LPP: variants seen among roughly 807,000 people sequenced by gnomAD.
LPP encodes the protein LIM domain containing preferred translocation partner in lipoma.
A neutral mutation model predicts 60.4 loss-of-function variants in LPP; 38 were observed. The ratio of observed to expected loss-of-function variants is 0.63; its 90% CI spans 0.49 to 0.83. LPP has a LOEUF of 0.83. Ranked by LOEUF, LPP falls within the 40% of genes least tolerant of loss-of-function variation. LPP has a pLI of 0.00. For synonymous variants in LPP, 328 were observed against 290.8 expected (o/e 1.13, Z -1.30); for missense variants, 902 against 783.6 (o/e 1.15, Z -1.80).
chr3:188,717,612 T>G (rs1465562030), intron 8 of LPP, among the ~76,000 whole-genome samples: 1 of 152,166 alleles, frequency 6.6e-6, no homozygotes, highest in Non-Finnish European at 1.5e-5. Flanking sequence ...TCTAACTTTT[T>G]GTTTAGGGTA....
At chr3:188,223,315 C>G (rs1006066057) in intron 1 of LPP, among the ~76,000 whole-genome samples, 1 of 151,892 alleles carries the variant, frequency 6.6e-6, no homozygotes, top group African/African-American at 2.4e-5. Flanking sequence ...GAACTATAAC[C>G]GGGTGGGGGG....
chr3:188,847,906 G>A (rs773875856), intron 9 of LPP, among the ~76,000 whole-genome samples: 9 of 152,158 alleles, frequency 5.9e-5, no homozygotes, highest in Non-Finnish European at 1.0e-4. Context: ...AATTAATAAA[G>A]TGAATGTAAC....
chr3:188,524,513 C>A, intron 5 of LPP, 152 bp from the exon 6 acceptor site: 2 of 724,174 alleles, frequency 2.8e-6, no homozygotes, highest in Non-Finnish European at 4.5e-6. Flanking sequence ...TCTATCTCAG[C>A]CTACCTCACT....
rs1487676403 is a variant in LPP, at chr3:188,888,509, C to T, written c.*14030C>T. 3.5e-5 allele frequency: 8 copies of T among 227,462 alleles called. No individual in the cohort carries two copies. In the East Asian group the frequency reaches 5.0e-4, roughly 14 times the overall value. 14.1% of individuals were successfully genotyped at this position (227,462 alleles called of 1,614,324 possible). On this transcript the variant is annotated 3_prime_UTR_variant, in exon 12 of 12. Transcript: ENST00000617246. The stretch of plus-strand genomic sequence containing the variant: ...CCATTTGCCGACTCCGGCCTCTTTG[C>T]GAGACTGACTCAAATCTGTGATCTT...
intron 1 of LPP, among the ~76,000 whole-genome samples, chr3:188,177,673 T>A (rs2148865046): frequency 6.6e-6 from 1 of 152,282 alleles, no homozygotes; most frequent in Non-Finnish European, 1.5e-5. Context: ...GTAATTATGC[T>A]GATGTTACCT....
chr3:188,872,728 G>T lies in LPP; in HGVS notation c.1675G>T (p.Asp559Tyr). The change falls in exon 11 of 12, where the codon GAT becomes TAT. Residue 559 changes from aspartate to tyrosine, a missense_variant. By Grantham distance (160) the Asp-to-Tyr change is radical. Transcript: ENST00000617246. ...QEETVRIVAL[D>Y]RDFHVHCYRC... ...GGAGACTGTCCGTATTGTGGCTTTG[G>T]ATCGAGATTTCCATGTTCACTGCTA... 1 of 1,614,198 alleles carries T rather than the reference G, an allele frequency of 6.2e-7. No individual in the cohort carries two copies. The highest frequency in any genetic ancestry group is 8.5e-7 in the Non-Finnish European group (1 of 1,180,040).
At chr3:188,282,775 C>G (rs1742563808) in intron 2 of LPP, among the ~76,000 whole-genome samples, 1 of 152,188 alleles carries the variant, frequency 6.6e-6, no homozygotes. Flanking sequence ...CATCTGACTT[C>G]ACATTTGGTG....
chr3:188,566,525 TCA>T (rs1410133780), intron 6 of LPP, among the ~76,000 whole-genome samples: 2 of 151,880 alleles, frequency 1.3e-5, no homozygotes, highest in African/African-American at 4.8e-5. Flanking sequence ...CATAGTCAAA[TCA>T]CAGTCTCATC....
intron 9 of LPP, among the ~76,000 whole-genome samples, chr3:188,835,302 CA>C (rs11354742): frequency 0.55 from 68,876 of 125,832 alleles, 17,289 homozygotes; most frequent in East Asian, 0.8. Flanking sequence ...ACTAAAAATA[CA>C]AAAAAAAAAA....
intron 5 of LPP, among the ~76,000 whole-genome samples, chr3:188,508,900 A>G (rs1440107250): frequency 6.6e-6 from 1 of 152,222 alleles, no homozygotes; most frequent in Non-Finnish European, 1.5e-5. Flanking sequence ...GCAGATTTCA[A>G]ATTTAGCATG....
chr3:188,811,194 A>G (rs545806819), intron 9 of LPP, among the ~76,000 whole-genome samples: 1 of 152,212 alleles, frequency 6.6e-6, no homozygotes, highest in Admixed American at 6.6e-5. Flanking sequence ...TGGCCATAGG[A>G]TATCATTTAG....
chr3:188,362,382 A>G (rs1397932249), intron 3 of LPP, among the ~76,000 whole-genome samples: 2 of 152,096 alleles, frequency 1.3e-5, no homozygotes, highest in Admixed American at 1.3e-4. Flanking sequence ...CTTCTTCTTT[A>G]CTGGATATCC....
intron 8 of LPP, among the ~76,000 whole-genome samples, chr3:188,732,697 G>A (rs557081540): frequency 8.9e-5 from 10 of 112,566 alleles, no homozygotes; most frequent in South Asian, 2.9e-4. Context: ...CAGCCCTAGC[G>A]ACAGAGTGAG....
chr3:188,639,783 G>T (rs1282223523), intron 7 of LPP, among the ~76,000 whole-genome samples: 1 of 152,188 alleles, frequency 6.6e-6, no homozygotes, highest in African/African-American at 2.4e-5. Flanking sequence ...ATCATTACTG[G>T]CCATCAGAGA....
At chr3:188,759,872 T>G (rs1731578623) in intron 8 of LPP, among the ~76,000 whole-genome samples, 1 of 152,156 alleles carries the variant, frequency 6.6e-6, no homozygotes, top group Non-Finnish European at 1.5e-5. Flanking sequence ...GAACTTAGAC[T>G]ATGAGACTCA....
intron 7 of LPP, among the ~76,000 whole-genome samples, chr3:188,678,277 C>A (rs886916091): frequency 2.0e-5 from 3 of 152,194 alleles, no homozygotes; most frequent in Non-Finnish European, 2.9e-5. Flanking sequence ...CATAACAAAC[C>A]AAAGTCTTCT....
At chr3:188,224,901 A>G (rs1717167798) in intron 1 of LPP, among the ~76,000 whole-genome samples, 1 of 152,160 alleles carries the variant, frequency 6.6e-6, no homozygotes, top group African/African-American at 2.4e-5. Flanking sequence ...CATGAAATTC[A>G]GAGGGGACAC....
chr3:188,856,803 G>C (rs1452509783), intron 9 of LPP, among the ~76,000 whole-genome samples: 1 of 152,148 alleles, frequency 6.6e-6, no homozygotes, highest in Non-Finnish European at 1.5e-5. Context: ...TGGACCTAAG[G>C]CTTCCTAATG....
intron 7 of LPP, among the ~76,000 whole-genome samples, chr3:188,666,653 T>C (rs1365594952): frequency 6.6e-6 from 1 of 152,242 alleles, no homozygotes; most frequent in Non-Finnish European, 1.5e-5. Context: ...CATGGAGCCA[T>C]CATTTATTCA....
Sources: allele counts gnomAD v4.1 joint callset (sites outside exome capture counted in the v4.1 genomes callset), GRCh38; gene constraint gnomAD v4.1.1; transcripts MANE v1.5; gene names NCBI Gene and HGNC (gene_info 2026-07-23, HGNC 2026-07-21).